The following WDR44 variants were observed in gnomAD, a reference collection of about 807,000 sequenced individuals.
WDR44 encodes WD repeat domain 44, also known as WD repeat-containing protein 44.
WDR44 carries 9 observed loss-of-function variants against 65.7 expected under a neutral mutation model. That is an observed-to-expected ratio of 0.14 (90% CI 0.08 to 0.24). The LOEUF is 0.24. Among genes scored for constraint, WDR44 ranks in the 10% least tolerant of loss-of-function variants. The pLI is 1.00. For missense variants in WDR44, 425 were observed against 670.9 expected (o/e 0.63, Z 4.05); for synonymous variants, 220 against 235.2 (o/e 0.94, Z 0.59).
intron 2 of WDR44, among the ~76,000 whole-genome samples, chrX:118,379,098 A>G (rs1474490590): frequency 9.1e-6 from 1 of 110,280 alleles, no homozygotes; most frequent in Non-Finnish European, 1.9e-5. Flanking sequence ...AGTAACTGAA[A>G]CACATGTATA....
intron 1 of WDR44, among the ~76,000 whole-genome samples, chrX:118,358,563 G>A (rs2056483728): frequency 2.7e-5 from 3 of 111,015 alleles, no homozygotes; most frequent in Admixed American, 1.9e-4. Context: ...AAATTATCTG[G>A]GCATGATGGC....
At chrX:118,409,438 A>G in intron 10 of WDR44, 51 bp from the exon 11 acceptor site, 6 of 1,171,985 alleles carry the variant, frequency 5.1e-6, no homozygotes, top group Non-Finnish European at 6.9e-6. Context: ...CCAAAAGTAA[A>G]GTCTCTAAAG....
At chrX:118,367,990 TA>T (rs779445948) in intron 1 of WDR44, among the ~76,000 whole-genome samples, 8 of 111,907 alleles carry the variant, frequency 7.1e-5, no homozygotes, top group African/African-American at 2.6e-4. Flanking sequence ...AAAATCTCTT[TA>T]AAAATAGACT....
chrX:118,398,763 C>T (rs1330106943), intron 8 of WDR44, among the ~76,000 whole-genome samples: 1 of 111,679 alleles, frequency 9.0e-6, no homozygotes, highest in Non-Finnish European at 1.9e-5. Context: ...CCCATCTCTA[C>T]TAAAAATACA....
At chrX:118,347,055 A>AT (rs1280490117) in intron 1 of WDR44, among the ~76,000 whole-genome samples, 20 of 111,568 alleles carry the variant, frequency 1.8e-4, no homozygotes, top group African/African-American at 6.5e-4. Context: ...ACTCTCCCCT[A>AT]TTTGCCGTCC....
chrX:118,376,360 A>C (rs2056659784), intron 1 of WDR44, among the ~76,000 whole-genome samples: 1 of 111,718 alleles, frequency 9.0e-6, no homozygotes, highest in Admixed American at 9.6e-5. Flanking sequence ...CCAGTTTGGC[A>C]TATAAAAACA....
intron 12 of WDR44, among the ~76,000 whole-genome samples, chrX:118,416,440 A>C (rs1455886058): frequency 8.9e-6 from 1 of 111,805 alleles, no homozygotes; most frequent in East Asian, 2.8e-4. Flanking sequence ...TTCATTTTTG[A>C]CCGAGTGCTC....
At chrX:118,394,722 C>T (rs763671613) in intron 5 of WDR44, among the ~76,000 whole-genome samples, 347 of 111,364 alleles carry the variant, frequency 3.1e-3, no homozygotes, top group Non-Finnish European at 5.1e-3. Context: ...GGCTACCACA[C>T]TAGAATATAG....
intron 12 of WDR44, among the ~76,000 whole-genome samples, chrX:118,418,034 TTTA>T (rs1279695570): frequency 8.9e-6 from 1 of 111,796 alleles, no homozygotes; most frequent in African/African-American, 3.3e-5. Flanking sequence ...TCCTGAAGTT[TTTA>T]TTGTTTTTTT....
chrX:118,359,079 CAA>C lies in WDR44; in HGVS notation c.77+12508_77+12509del, dbSNP rs34518844. ...ACAGAGTGAGACTCCATCTCAAAAC[CAA>C]AAAAAAAATCTTAGCACTTTAGCTT... On this transcript the variant is annotated intron_variant, in intron 1 of 19. Transcript: ENST00000254029. 5.6e-5 allele frequency among the ~76,000 whole-genome samples: 6 copies of C among 107,173 alleles called. No individual in the cohort carries two copies. In the East Asian group the frequency reaches 8.9e-4, roughly 16 times the overall value. The allele number at this position is 107,173 out of a possible 115,157, so 93.1% of individuals were successfully genotyped here. A position where few individuals can be genotyped will look rare whatever the true frequency, so the allele number is the denominator to read the frequency against.
intron 1 of WDR44, among the ~76,000 whole-genome samples, chrX:118,353,609 G>A (rs562700763): frequency 1.2e-3 from 130 of 112,037 alleles, no homozygotes; most frequent in Middle Eastern, 4.6e-3. Context: ...AACATGTTTA[G>A]GCAGCAATTT....
chrX:118,399,312 A>G (rs1407649833), intron 8 of WDR44, among the ~76,000 whole-genome samples: 5 of 112,282 alleles, frequency 4.5e-5, no homozygotes, highest in African/African-American at 6.5e-5. Context: ...TTCTAGATCA[A>G]TGGTGGGCCT....
intron 12 of WDR44, among the ~76,000 whole-genome samples, chrX:118,424,417 C>A (rs1408856254): frequency 4.9e-5 from 5 of 102,018 alleles, no homozygotes; most frequent in African/African-American, 1.9e-4. Flanking sequence ...ATTTGGAAAT[C>A]AAATCACCTG....
chrX:118,346,120 A>C lies in WDR44; in HGVS notation c.-384A>C, dbSNP rs1331404498. 2.7e-5 allele frequency: 8 copies of C among 299,309 alleles called. No homozygotes were observed. Among genetic ancestry groups the C allele is most frequent in the East Asian group, 4.8e-5 (1 of 20,993 alleles). 24.7% of individuals were successfully genotyped at this position (299,309 alleles called of 1,213,427 possible). A position where few individuals can be genotyped will look rare whatever the true frequency, so the allele number is the denominator to read the frequency against. On this transcript the variant is annotated 5_prime_UTR_variant, in exon 1 of 20. Transcript: ENST00000254029. ...AGGTGCGCGTCGGTATTTTGCGGGC[A>C]ACTAGCTCTTCCAGCTGCTGTAAAT...
At chrX:118,365,507 CA>C (rs200718518) in intron 1 of WDR44, among the ~76,000 whole-genome samples, 10 of 97,289 alleles carry the variant, frequency 1.0e-4, no homozygotes, top group Non-Finnish European at 1.0e-4. Context: ...ACCCTGTCTC[CA>C]AAAAAAAAAG....
chrX:118,399,637 C>T (rs1017031045), intron 8 of WDR44, among the ~76,000 whole-genome samples: 1 of 111,560 alleles, frequency 9.0e-6, no homozygotes, highest in Admixed American at 9.6e-5. Flanking sequence ...AGAAAAGTTC[C>T]TCAGGTTTAT....
At chrX:118,376,464 T>G (rs1421666890) in intron 1 of WDR44, among the ~76,000 whole-genome samples, 1 of 111,449 alleles carries the variant, frequency 9.0e-6, no homozygotes, top group African/African-American at 3.3e-5. Flanking sequence ...TTTCTTGATC[T>G]GTAAAAAGAG....
intron 2 of WDR44, chrX:118,386,357 C>T (rs1415246461): frequency 2.8e-6 from 1 of 356,155 alleles, no homozygotes; most frequent in Non-Finnish European, 5.4e-6. Context: ...TTATTTTACC[C>T]TAATTTTTTC....
At chrX:118,430,490 C>T (rs1264355905) in intron 12 of WDR44, among the ~76,000 whole-genome samples, 14 of 105,344 alleles carry the variant, frequency 1.3e-4, no homozygotes, top group South Asian at 4.3e-4. Context: ...TGCAGTGAGC[C>T]GAGATTGCAC....
Sources: gnomAD v4.1 joint callset for allele counts (sites outside exome capture counted in the v4.1 genomes callset) on GRCh38, gnomAD v4.1.1 for gene constraint, MANE v1.5 for transcripts, NCBI Gene and HGNC (gene_info 2026-07-23, HGNC 2026-07-21) for gene names.